The following CCSER1 variants were observed in gnomAD, a reference collection of about 807,000 sequenced individuals.
CCSER1 encodes the protein serine-rich coiled-coil domain-containing protein 1.
Under a neutral mutation model 82.0 loss-of-function variants are expected in CCSER1, and 41 were observed. That is an observed-to-expected ratio of 0.50 (90% CI 0.39 to 0.65). CCSER1 has a LOEUF of 0.65. Ranked by LOEUF, CCSER1 falls within the 30% of genes least tolerant of loss-of-function variation. The pLI is 0.00. For synonymous variants in CCSER1, 414 were observed against 383.9 expected, an observed-to-expected ratio of 1.08 and a Z score of -0.92; for missense variants, 1,119 against 1,064.2, an observed-to-expected ratio of 1.05 and a Z score of -0.72.
chr4:90,587,396 G>A (rs1404853915), intron 5 of CCSER1, among the ~76,000 whole-genome samples: 1 of 152,174 alleles, frequency 6.6e-6, no homozygotes, highest in South Asian at 2.1e-4. Flanking sequence ...CAGATCACGA[G>A]GTCAAGAGAT....
intron 5 of CCSER1, among the ~76,000 whole-genome samples, chr4:90,558,664 C>A (rs1429486135): frequency 6.6e-6 from 1 of 152,062 alleles, no homozygotes; most frequent in East Asian, 1.9e-4. Context: ...CAAAGATAAT[C>A]AGTATCTTTG....
At chr4:91,078,970 A>G (rs1288887208) in intron 9 of CCSER1, among the ~76,000 whole-genome samples, 4 of 152,212 alleles carry the variant, frequency 2.6e-5, no homozygotes, top group Non-Finnish European at 5.9e-5. Context: ...CCTGAAAGTG[A>G]TGGGGAGAAT....
intron 10 of CCSER1, among the ~76,000 whole-genome samples, chr4:91,465,996 C>G (rs1037545528): frequency 5.3e-5 from 8 of 152,186 alleles, no homozygotes; most frequent in Non-Finnish European, 1.2e-4. Context: ...CTCCCTAACT[C>G]ATTTTATGAG....
chr4:91,150,853 G>C (rs1730107654), intron 10 of CCSER1, among the ~76,000 whole-genome samples: 1 of 152,150 alleles, frequency 6.6e-6, no homozygotes, highest in Non-Finnish European at 1.5e-5. Context: ...TTTTTGATGT[G>C]CCGCTGGATT....
At chr4:90,378,799 A>C (rs1375827788) in intron 3 of CCSER1, among the ~76,000 whole-genome samples, 1 of 152,194 alleles carries the variant, frequency 6.6e-6, no homozygotes, top group Non-Finnish European at 1.5e-5. Context: ...CAGATACCCT[A>C]GATTGTTTTA....
intron 8 of CCSER1, among the ~76,000 whole-genome samples, chr4:90,838,040 T>A (rs1762028135): frequency 6.6e-6 from 1 of 152,098 alleles, no homozygotes; most frequent in Non-Finnish European, 1.5e-5. Context: ...TTATTGTTTA[T>A]TTTGATTAAT....
chr4:91,213,485 T>C (rs566864406), intron 10 of CCSER1, among the ~76,000 whole-genome samples: 2 of 152,218 alleles, frequency 1.3e-5, no homozygotes, highest in South Asian at 2.1e-4. Context: ...AATGAACTCT[T>C]TGCTAAATAA....
intron 9 of CCSER1, among the ~76,000 whole-genome samples, chr4:90,964,489 G>A (rs749329691): frequency 6.0e-5 from 9 of 151,144 alleles, no homozygotes; most frequent in Non-Finnish European, 1.2e-4. Flanking sequence ...ACTTTGGGAG[G>A]CCAAGGCGGG....
chr4:91,541,475 G>T (rs150008847), intron 10 of CCSER1, among the ~76,000 whole-genome samples: 1 of 152,118 alleles, frequency 6.6e-6, no homozygotes, highest in African/African-American at 2.4e-5. Context: ...AGAACATGCG[G>T]TGTTTGGTTT....
intron 10 of CCSER1, among the ~76,000 whole-genome samples, chr4:91,390,139 T>A (rs1236445686): frequency 6.6e-6 from 1 of 152,052 alleles, no homozygotes. Context: ...TTCTAACCAT[T>A]AAGCCTGATG....
intron 9 of CCSER1, among the ~76,000 whole-genome samples, chr4:91,017,841 G>GTGTGTGTT (rs1554057227): frequency 2.2e-4 from 31 of 142,426 alleles, no homozygotes; most frequent in African/African-American, 7.9e-4. Flanking sequence ...GTGTGTGTGT[G>GTGTGTGTT]TATAAATTTT....
intron 1 of CCSER1, among the ~76,000 whole-genome samples, chr4:90,230,537 C>A (rs1362969615): frequency 6.6e-6 from 1 of 151,974 alleles, no homozygotes; most frequent in East Asian, 1.9e-4. Context: ...CCAAAATTGA[C>A]ACCCTAACAT....
chr4:90,223,778 A>T (rs1343013584), intron 1 of CCSER1, among the ~76,000 whole-genome samples: 2 of 152,260 alleles, frequency 1.3e-5, no homozygotes, highest in African/African-American at 4.8e-5. Flanking sequence ...ATTGAATATG[A>T]CATGGGTCAA....
chr4:90,619,516 C>A (rs1004692511), intron 5 of CCSER1, among the ~76,000 whole-genome samples: 3 of 152,030 alleles, frequency 2.0e-5, no homozygotes, highest in South Asian at 2.1e-4. Flanking sequence ...TTGTAAGTTA[C>A]GAACAACTTC....
At chr4:90,829,578 G>GA (rs2149815782) in intron 8 of CCSER1, among the ~76,000 whole-genome samples, 1 of 152,264 alleles carries the variant, frequency 6.6e-6, no homozygotes, top group Non-Finnish European at 1.5e-5. Context: ...TGCCGCCTCA[G>GA]AAAGAATTTG....
chr4:90,447,552 T>C (rs1302484899), intron 4 of CCSER1, among the ~76,000 whole-genome samples: 1 of 152,242 alleles, frequency 6.6e-6, no homozygotes, highest in African/African-American at 2.4e-5. Context: ...TAAATTGTGT[T>C]GTTTATTTAA....
chr4:91,564,832 G>C (rs1357941907), intron 10 of CCSER1, among the ~76,000 whole-genome samples: 1 of 151,926 alleles, frequency 6.6e-6, no homozygotes, highest in African/African-American at 2.4e-5. Flanking sequence ...TCTGTTGTCT[G>C]TTTATGCTGC....
intron 10 of CCSER1, among the ~76,000 whole-genome samples, chr4:91,376,127 A>C (rs1750392790): frequency 6.6e-6 from 1 of 151,904 alleles, no homozygotes; most frequent in Non-Finnish European, 1.5e-5. Flanking sequence ...AAACACAAAA[A>C]TTCCGATAAA....
chr4:90,597,401 T>G (rs891740565), intron 5 of CCSER1, among the ~76,000 whole-genome samples: 11 of 152,076 alleles, frequency 7.2e-5, no homozygotes, highest in Non-Finnish European at 1.6e-4. Context: ...ATAGCTTTAT[T>G]AAGATGTGAT....
Sources: gnomAD v4.1 joint callset for allele counts (sites outside exome capture counted in the v4.1 genomes callset) on GRCh38, gnomAD v4.1.1 for gene constraint, MANE v1.5 for transcripts, NCBI Gene and HGNC (gene_info 2026-07-23, HGNC 2026-07-21) for gene names.